PPP1R2: variants seen among roughly 807,000 people sequenced by gnomAD.
PPP1R2 encodes the protein protein phosphatase inhibitor 2.
PPP1R2 carries 16 observed loss-of-function variants against 29.9 expected under a neutral mutation model. That is an observed-to-expected ratio of 0.53 (90% confidence interval 0.36 to 0.81). The LOEUF (loss-of-function observed/expected upper bound fraction) is 0.81, where lower values mean the gene tolerates loss of function less well. Ranked by LOEUF, PPP1R2 falls within the 30% of genes least tolerant of loss-of-function variation. The pLI is 0.00. For missense variants in PPP1R2, 197 were observed against 252.7 expected, an observed-to-expected ratio of 0.78 and a Z score of 1.49; for synonymous variants, 76 against 91.5, an observed-to-expected ratio of 0.83 and a Z score of 0.96.
intron 5 of PPP1R2, among the ~76,000 whole-genome samples, chr3:195,517,225 T>C (rs547377194): frequency 1.3e-5 from 2 of 152,030 alleles, no homozygotes; most frequent in South Asian, 2.1e-4. Context: ...AACTCCAATA[T>C]CCAGAGCTAT....
At chr3:195,521,857 G>A (rs2108940034) in intron 4 of PPP1R2, among the ~76,000 whole-genome samples, 1 of 152,092 alleles carries the variant, frequency 6.6e-6, no homozygotes, top group South Asian at 2.1e-4. Flanking sequence ...CGCCATGTTG[G>A]CCAGGCTGGT....
chr3:195,532,000 T>C (rs76372907), intron 1 of PPP1R2, among the ~76,000 whole-genome samples: 7,951 of 152,238 alleles, frequency 0.052, 299 homozygotes, highest in South Asian at 0.17. Flanking sequence ...GCATAATGTC[T>C]TCAAGGTTCA....
intron 1 of PPP1R2, among the ~76,000 whole-genome samples, chr3:195,539,602 A>T (rs1719516806): frequency 6.6e-6 from 1 of 152,162 alleles, no homozygotes. Context: ...CAATCATTTG[A>T]GAGCAGGAGA....
intron 4 of PPP1R2, among the ~76,000 whole-genome samples, chr3:195,520,208 T>C (rs920890899): frequency 4.6e-5 from 7 of 152,094 alleles, no homozygotes; most frequent in African/African-American, 1.2e-4. Flanking sequence ...CGGGGTTTCA[T>C]CATGTTGGCC....
intron 1 of PPP1R2, among the ~76,000 whole-genome samples, chr3:195,532,407 C>G (rs1406821255): frequency 1.3e-5 from 2 of 151,936 alleles, no homozygotes; most frequent in African/African-American, 4.8e-5. Flanking sequence ...AGGAGTGGGA[C>G]TGTGTAATTT....
At chr3:195,528,826 G>C (rs1185304254) in intron 2 of PPP1R2, 3 of 147,876 alleles carry the variant, frequency 2.0e-5, no homozygotes, top group Non-Finnish European at 4.4e-5. Flanking sequence ...CAAAGTGCTG[G>C]GAGTACAGGC....
At position 195,541,797 on chromosome 3, in the gene PPP1R2, T is replaced by C. The variant is rs567871045; in HGVS notation, c.122+1107A>G. On this transcript the variant is annotated intron_variant, in intron 1 of 5. Transcript: ENST00000618156. ...AGCGTGGGAGTTGCTAGACAAAAAC[T>C]AAGGTCCTTTCCAGCCCCAAAAGGC... 1.3e-4 allele frequency among the ~76,000 whole-genome samples: 20 copies of C among 152,200 alleles called. 1 individual carries two copies. The South Asian group carries it at 4.1e-3, about 31-fold the overall frequency.
intron 4 of PPP1R2, among the ~76,000 whole-genome samples, chr3:195,522,508 A>G (rs1265385959): frequency 6.6e-6 from 1 of 152,236 alleles, no homozygotes. Flanking sequence ...ACATTAACAA[A>G]AAATTCCTTA....
Position 195,516,004 on chromosome 3 carries a change from T to G in PPP1R2, c.*892A>C, listed in dbSNP as rs963972071. On this transcript the variant is annotated 3_prime_UTR_variant, in exon 6 of 6. Coordinates refer to ENST00000618156, the MANE Select transcript of PPP1R2 (RefSeq NM_006241.8). ...ATGACAGAAGAGTGAGAGAAAGAGCTCCTAATGTGGTGACAGTCTTAATGA... is the reference window on the plus strand; with the variant it reads ...ATGACAGAAGAGTGAGAGAAAGAGCGCCTAATGTGGTGACAGTCTTAATGA... The G allele has an allele frequency of 2.0e-5, 3 of 152,074 alleles. No homozygotes were observed. Among genetic ancestry groups the G allele is most frequent in the African/African-American group, 7.2e-5 (3 of 41,420 alleles). The allele number at this position is 152,074 out of a possible 1,614,324, so 9.4% of individuals were successfully genotyped here.
At chr3:195,528,056 T>C (rs1719038363) in intron 2 of PPP1R2, among the ~76,000 whole-genome samples, 1 of 152,136 alleles carries the variant, frequency 6.6e-6, no homozygotes, top group Non-Finnish European at 1.5e-5. Context: ...CACAGGTAAG[T>C]TCTTCAGTGG....
chr3:195,517,027 A>G (rs1469734222), intron 5 of PPP1R2, 85 bp from the exon 6 acceptor site: 1 of 1,045,944 alleles, frequency 9.6e-7, no homozygotes, highest in Non-Finnish European at 1.5e-6. Context: ...CATGCATGAC[A>G]AGCAAATATA....
At chr3:195,539,456 A>C (rs987610898) in intron 1 of PPP1R2, among the ~76,000 whole-genome samples, 2 of 152,158 alleles carry the variant, frequency 1.3e-5, no homozygotes. Context: ...GGTGGCTCTC[A>C]CCTGTAATCC....
Position 195,524,895 on chromosome 3 carries a change from T to C in PPP1R2, c.232A>G (p.Met78Val). Residue 78 changes from methionine to valine, a missense_variant and splice_region_variant, in exon 3 of 6, where the codon ATG (methionine) becomes GTG (valine). Met to Val is a conservative substitution (Grantham distance 21). Around this residue, in one of 3 missense-constraint regions of PPP1R2, gnomAD observed 135 missense variants for 163.0 expected, o/e 0.83. Coordinates refer to ENST00000618156, the MANE Select transcript of PPP1R2 (RefSeq NM_006241.8). ...IDEPSTPYHS[M>V]MGDDEDACSD... The stretch of plus-strand genomic sequence containing the variant: ...CAGGCATCTTCATCATCCCCCATCA[T>C]ACTAGTATGACAAGCACATTGTAAT... 2 of 1,613,908 alleles carry C rather than the reference T, an allele frequency of 1.2e-6. No individual in the cohort carries two copies. Among genetic ancestry groups the C allele is most frequent in the Non-Finnish European group, 1.7e-6 (2 of 1,179,786 alleles).
chr3:195,518,452 C>G (rs1324496847), intron 5 of PPP1R2, among the ~76,000 whole-genome samples: 1 of 151,776 alleles, frequency 6.6e-6, no homozygotes, highest in Admixed American at 6.6e-5. Context: ...GAGATTGGGA[C>G]CATCCTGGCT....
chr3:195,535,650 G>T (rs1261593406), intron 1 of PPP1R2, among the ~76,000 whole-genome samples: 1 of 152,178 alleles, frequency 6.6e-6, no homozygotes, highest in Non-Finnish European at 1.5e-5. Context: ...CTGAATCAGT[G>T]CCAGAGGATA....
chr3:195,533,715 G>A (rs1359733600), intron 1 of PPP1R2, among the ~76,000 whole-genome samples: 1 of 152,152 alleles, frequency 6.6e-6, no homozygotes, highest in Non-Finnish European at 1.5e-5. Context: ...CTGCAGTAGC[G>A]ATACCAGCAT....
At position 195,543,118 on chromosome 3, in the gene PPP1R2, C is replaced by T; in HGVS notation, c.-93G>A. Reference sequence around the variant, plus strand: ...CACAGCAGAGACTCGCAGGCAGCCGCAGATCCCGCTCAGGGCTAAAGCGGC... The same window carrying T: ...CACAGCAGAGACTCGCAGGCAGCCGTAGATCCCGCTCAGGGCTAAAGCGGC... On this transcript the variant is annotated 5_prime_UTR_variant, in exon 1 of 6. Transcript: ENST00000618156. 1 of 1,457,074 alleles carries T rather than the reference C, an allele frequency of 6.9e-7. No homozygotes were observed. Among genetic ancestry groups the T allele is most frequent in the Non-Finnish European group, 9.1e-7 (1 of 1,095,110 alleles). The allele number at this position is 1,457,074 out of a possible 1,614,324, so 90.3% of individuals were successfully genotyped here.
At chr3:195,535,551 G>A (rs141535212) in intron 1 of PPP1R2, among the ~76,000 whole-genome samples, 47 of 152,318 alleles carry the variant, frequency 3.1e-4, no homozygotes, top group African/African-American at 1.1e-3. Context: ...GGGGTGAAGG[G>A]TTTCAAGATA....
chr3:195,541,945 C>A (rs1308398235), intron 1 of PPP1R2, among the ~76,000 whole-genome samples: 1 of 152,120 alleles, frequency 6.6e-6, no homozygotes, highest in Non-Finnish European at 1.5e-5. Flanking sequence ...TCCAGGAATG[C>A]CCTAGGTTCC....
Sources: allele counts gnomAD v4.1 joint callset (sites outside exome capture counted in the v4.1 genomes callset), GRCh38; gene constraint gnomAD v4.1.1; regional missense constraint gnomAD v4.1.1; transcripts MANE v1.5; gene names NCBI Gene and HGNC (gene_info 2026-07-23, HGNC 2026-07-21).